SRPRA: variants seen among roughly 807,000 people sequenced by gnomAD.
The protein encoded by SRPRA is SRP receptor subunit alpha.
In SRPRA, 30 loss-of-function variants were observed where a neutral mutation model predicts 61.1. That is an observed-to-expected ratio of 0.49 (90% CI 0.37 to 0.67). The LOEUF (loss-of-function observed/expected upper bound fraction) is 0.67. Among genes scored for constraint, SRPRA ranks in the 30% least tolerant of loss-of-function variants. SRPRA has a pLI of 0.00. For missense variants in SRPRA, 759 were observed against 828.4 expected (o/e 0.92, Z 1.03); for synonymous variants, 324 against 299.7 (o/e 1.08, Z -0.84).
chr11:126,265,510 T>G lies in SRPRA; in HGVS notation c.1139-70A>C. 6.5e-7 allele frequency: 1 copy of G among 1,536,566 alleles called. No homozygotes were observed. Among genetic ancestry groups the G allele is most frequent in the Non-Finnish European group, 8.8e-7 (1 of 1,133,732 alleles). ...ATGCTCTCAAAAATGCCTAACACCT[T>G]TCTGAGCTAAGGGGACTAAAACAGT... On this transcript the variant is annotated intron_variant, in intron 9 of 13. Transcript: ENST00000332118. The surrounding 1 kb of genome is among the most constrained non-coding windows in gnomAD (Gnocchi z 6.3).
Position 126,265,725 on chromosome 11 carries a change from G to C in SRPRA, c.1138+12C>G, listed in dbSNP as rs374324480. Reference sequence around the variant, plus strand: ...TACACATAAGCACTTTCTCACTTAGGTAAGTACTTACTGCTGAACGTCCCC... The same window carrying C: ...TACACATAAGCACTTTCTCACTTAGCTAAGTACTTACTGCTGAACGTCCCC... On this transcript the variant is annotated intron_variant, in intron 9 of 13. Transcript: ENST00000332118. This position sits in a 1 kb window ranked among gnomAD's most constrained non-coding sequence, Gnocchi z 6.3. 5 of 1,613,832 alleles carry C rather than the reference G, an allele frequency of 3.1e-6. No homozygotes were observed. The highest frequency in any genetic ancestry group is 1.6e-4 in the Middle Eastern group (1 of 6,084).
At chr11:126,252,165 T>G in the SRPRA span, among the ~76,000 whole-genome samples, 1 of 151,890 alleles carries the variant, frequency 6.6e-6, no homozygotes, top group African/African-American at 2.4e-5. The surrounding 1 kb of genome is among the most constrained non-coding windows in gnomAD (Gnocchi z 4.7). Flanking sequence ...TTTTGTATTT[T>G]CAGTAGAGAC....
Position 126,264,241 on chromosome 11 carries a change from G to A in SRPRA, c.1738C>T (p.Arg580Trp), listed in dbSNP as rs1303397344. 4.3e-6 allele frequency: 7 copies of A among 1,613,962 alleles called. No individual in the cohort carries two copies. The African/African-American group carries it at 5.3e-5, about 12-fold the overall frequency. The change falls in exon 13 of 14, where the codon CGG becomes TGG. Residue 580 changes from arginine (R) to tryptophan (W), a missense_variant. Arg to Trp is a moderately radical substitution (Grantham distance 101). Coordinates refer to ENST00000332118, the MANE Select transcript of SRPRA (RefSeq NM_003139.4). The surrounding 1 kb of genome is among the most constrained non-coding windows in gnomAD (Gnocchi z 5.0). ...GTAAGAACAATGCCATCAATGAGCC[G>A]AGGTGTCTGAGCCATAGAATGGTCA... The part of the protein sequence containing the change: ...LADHSMAQTP[R>W]LIDGIVLTKF...
Position 126,264,104 on chromosome 11 carries a change from G to C in SRPRA, c.1789-60C>G. The C allele has an allele frequency of 6.2e-7, 1 of 1,613,190 alleles. No individual in the cohort carries two copies. Among genetic ancestry groups the C allele is most frequent in the Non-Finnish European group, 8.5e-7 (1 of 1,179,448 alleles). On this transcript the variant is annotated intron_variant, in intron 13 of 13. Coordinates refer to ENST00000332118, the MANE Select transcript of SRPRA (RefSeq NM_003139.4). The surrounding 1 kb of genome is among the most constrained non-coding windows in gnomAD (Gnocchi z 5.0). ...GCCCACTTTTCACTCACCCTCTCAG[G>C]AACAGGAAGCGCTGGAGCCAAGATT... is the stretch of plus-strand genomic sequence containing the variant.
rs147654252 is a variant in SRPRA at position 126,265,435 on chromosome 11, T to C, written c.1144A>G (p.Thr382Ala). ...TGTAGGGCTTGCTTTACTGTGGAAGTCACCGCTGAAAGGGGAGGTGGAGGA... is the reference window on the plus strand; with the variant it reads ...TGTAGGGCTTGCTTTACTGTGGAAGCCACCGCTGAAAGGGGAGGTGGAGGA... ...GKVMGTFSTV[T>A]STVKQALQES... The change falls in exon 10 of 14, where the codon ACT (threonine) becomes GCT (alanine). Residue 382 changes from threonine to alanine, a missense_variant. Coordinates refer to ENST00000332118, the MANE Select transcript of SRPRA (RefSeq NM_003139.4). This position sits in a 1 kb window ranked among gnomAD's most constrained non-coding sequence, Gnocchi z 6.3. 6 of 1,610,626 alleles carry C rather than the reference T, an allele frequency of 3.7e-6. No individual in the cohort carries two copies. The highest frequency in any genetic ancestry group is 4.2e-6 in the Non-Finnish European group (5 of 1,178,228).
chr11:126,241,053 C>T, the SRPRA span: 2 of 1,563,086 alleles, frequency 1.3e-6, no homozygotes, highest in Non-Finnish European at 1.7e-6. Context: ...CTGTGAGTAC[C>T]CTAGTATGTG....
At chr11:126,262,081 G>T, downstream of SRPRA, 7 of 1,613,012 alleles carry the variant, frequency 4.3e-6, no homozygotes, top group Non-Finnish European at 5.9e-6. Flanking sequence ...AACCTGTTTT[G>T]TGAAACTTCA....
chr11:126,247,857 C>CAAAA, the SRPRA span, among the ~76,000 whole-genome samples: 3 of 125,014 alleles, frequency 2.4e-5, no homozygotes, highest in Non-Finnish European at 3.4e-5. Context: ...GACTCCATCT[C>CAAAA]AAAAAAAAAA....
At chr11:126,261,574 A>C (rs1950700123), downstream of SRPRA, 10 of 1,097,692 alleles carry the variant, frequency 9.1e-6, no homozygotes, top group Non-Finnish European at 5.4e-6. Context: ...GTTACTTTGG[A>C]CCTCACATTG....
the SRPRA span, among the ~76,000 whole-genome samples, chr11:126,248,358 CTT>C: frequency 5.4e-5 from 2 of 36,964 alleles, no homozygotes; most frequent in African/African-American, 2.5e-4. Context: ...TAGTAGTTGA[CTT>C]TTTTTTTTTT....
the SRPRA span, chr11:126,254,554 T>A: frequency 7.6e-7 from 1 of 1,323,596 alleles, no homozygotes; most frequent in East Asian, 2.4e-5. Flanking sequence ...GGTCAGGGGC[T>A]AGGAGCAGTG....
In SRPRA at chr11:126,267,288, T is replaced by G; in HGVS notation, c.413A>C (p.Lys138Thr). ...CTTGGCCTTTTCAGAATCTTCAAATTTCTTCATGGTAGTGGGAGCACGGAT... is the reference window on the plus strand; with the variant it reads ...CTTGGCCTTTTCAGAATCTTCAAATGTCTTCATGGTAGTGGGAGCACGGAT... ...SKIRAPTTMKKFEDSEKAKKP... is the reference protein window; with the variant it reads ...SKIRAPTTMKTFEDSEKAKKP... The change falls in exon 4 of 14, where the codon AAA becomes ACA. Residue 138 changes from lysine (K) to threonine (T), a missense_variant. This residue lies in a region of SRPRA where 475 missense variants were observed against 462.5 expected (regional missense o/e 1.03). Coordinates refer to ENST00000332118, the MANE Select transcript of SRPRA (RefSeq NM_003139.4). The surrounding 1 kb of genome is among the most constrained non-coding windows in gnomAD (Gnocchi z 4.2). The G allele has an allele frequency of 6.2e-7, 1 of 1,614,174 alleles. No homozygotes were observed. Among genetic ancestry groups the G allele is most frequent in the Non-Finnish European group, 8.5e-7 (1 of 1,180,020 alleles).
chr11:126,253,527 C>T, the SRPRA span, among the ~76,000 whole-genome samples: 1 of 152,152 alleles, frequency 6.6e-6, no homozygotes, highest in Non-Finnish European at 1.5e-5. This position sits in a 1 kb window ranked among gnomAD's most constrained non-coding sequence, Gnocchi z 5.1. Context: ...TATCACTTAT[C>T]TATTGCTGTA....
At chr11:126,246,983 C>T in the SRPRA span, among the ~76,000 whole-genome samples, 1 of 152,124 alleles carries the variant, frequency 6.6e-6, no homozygotes, top group Non-Finnish European at 1.5e-5. Flanking sequence ...AAAGCGGGAC[C>T]CCCTATCTCT....
At chr11:126,256,797 T>A in the SRPRA span, 1 of 1,613,882 alleles carries the variant, frequency 6.2e-7, no homozygotes, top group African/African-American at 1.3e-5. The surrounding 1 kb of genome is among the most constrained non-coding windows in gnomAD (Gnocchi z 6.6). Context: ...ACTATGCCGA[T>A]CTTCCAGAAT....
chr11:126,266,977 C>T, intron 4 of SRPRA, 55 bp from the exon 5 acceptor site: 5 of 1,582,758 alleles, frequency 3.2e-6, no homozygotes, highest in Non-Finnish European at 4.3e-6. Context: ...AACCACTAGA[C>T]AATGGCTAAA....
At chr11:126,258,735 A>G (rs1469905874), downstream of SRPRA, among the ~76,000 whole-genome samples, 1 of 152,218 alleles carries the variant, frequency 6.6e-6, no homozygotes, top group Admixed American at 6.5e-5. Flanking sequence ...ATACATATCC[A>G]AGTTCTACAT....
At chr11:126,244,482 TA>T in the SRPRA span, among the ~76,000 whole-genome samples, 1 of 152,160 alleles carries the variant, frequency 6.6e-6, no homozygotes, top group Non-Finnish European at 1.5e-5. This position sits in a 1 kb window ranked among gnomAD's most constrained non-coding sequence, Gnocchi z 4.5. Flanking sequence ...TCAAAAATAG[TA>T]AAATAGCTAG....
the SRPRA span, among the ~76,000 whole-genome samples, chr11:126,243,378 C>T: frequency 6.6e-6 from 1 of 151,404 alleles, no homozygotes; most frequent in Admixed American, 6.6e-5. Flanking sequence ...GCACAAGCAT[C>T]ACTTGGGCCC....
Sources: gnomAD v4.1 joint callset for allele counts (sites outside exome capture counted in the v4.1 genomes callset) on GRCh38, gnomAD v4.1.1 for gene constraint, gnomAD v4.1.1 regional missense constraint, Gnocchi (gnomAD v3.1) non-coding constraint, MANE v1.5 for transcripts, NCBI Gene and HGNC (gene_info 2026-07-23, HGNC 2026-07-21) for gene names.